The following JPH2 variants were observed in gnomAD, a reference collection of about 807,000 sequenced individuals.
The protein encoded by JPH2 is junctophilin 2, also known as junctophilin-2.
A neutral mutation model predicts 55.9 loss-of-function variants in JPH2; 38 were observed. That is an observed-to-expected ratio of 0.68 (90% CI 0.52 to 0.89). JPH2 has a LOEUF of 0.89. Ranked by LOEUF, JPH2 falls within the 40% of genes least tolerant of loss-of-function variation. The pLI is 0.00. For missense variants in JPH2, 964 were observed against 1,037.6 expected (o/e 0.93, Z 0.97); for synonymous variants, 480 against 472.4 (o/e 1.02, Z -0.21).
At chr20:44,149,005 T>C (rs1383641360) in intron 2 of JPH2, among the ~76,000 whole-genome samples, 1 of 151,024 alleles carries the variant, frequency 6.6e-6, no homozygotes, top group African/African-American at 2.4e-5. Context: ...AGGCGGAGCT[T>C]GCAGTGAGCT....
chr20:44,164,444 C>A (rs2072639455), intron 1 of JPH2, among the ~76,000 whole-genome samples: 1 of 151,870 alleles, frequency 6.6e-6, no homozygotes, highest in Non-Finnish European at 1.5e-5. Flanking sequence ...AAAAATAAGA[C>A]AACAAAAAAT....
chr20:44,135,262 G>A (rs2145858638), intron 2 of JPH2, among the ~76,000 whole-genome samples: 1 of 152,156 alleles, frequency 6.6e-6, no homozygotes, highest in East Asian at 1.9e-4. Context: ...CCTGAAGGAT[G>A]ACATGGAAAT....
At chr20:44,118,417 C>A in intron 3 of JPH2, 88 bp downstream of exon 3, 1 of 1,041,396 alleles carries the variant, frequency 9.6e-7, no homozygotes, top group Non-Finnish European at 1.5e-6. Context: ...CAGGAAACCA[C>A]TTGGGCATCT....
chr20:44,140,261 C>A (rs1156369096), intron 2 of JPH2, among the ~76,000 whole-genome samples: 1 of 152,188 alleles, frequency 6.6e-6, no homozygotes, highest in Non-Finnish European at 1.5e-5. Context: ...TATATCCATC[C>A]CAGCTGGGTG....
At chr20:44,153,005 C>T (rs1033114177) in intron 2 of JPH2, among the ~76,000 whole-genome samples, 2 of 152,110 alleles carry the variant, frequency 1.3e-5, no homozygotes, top group African/African-American at 2.4e-5. Context: ...AATGTACTTA[C>T]GTATTTTTAA....
chr20:44,136,893 G>C (rs894515043), intron 2 of JPH2, among the ~76,000 whole-genome samples: 2 of 152,128 alleles, frequency 1.3e-5, no homozygotes, highest in Non-Finnish European at 2.9e-5. Flanking sequence ...ATTCAGTTGT[G>C]ACAAGGATTT....
In JPH2 at chr20:44,125,122, A is replaced by C. The variant is rs866412828; in HGVS notation, c.1170-6499T>G. ...GAGTGAGACTCTGGCTCAAAAAAAA[A>C]AAAAAAAAAGTAACATTTTGTGACA... is the stretch of plus-strand genomic sequence containing the variant. On this transcript the variant is annotated intron_variant, in intron 2 of 5. Transcript: ENST00000372980. Among the ~76,000 whole-genome samples, 1,142 of 152,158 alleles carry C rather than the reference A, an allele frequency of 7.5e-3. 22 individuals are homozygous for C. The highest frequency in any genetic ancestry group is 0.026 in the African/African-American group (1,084 of 41,480).
intron 2 of JPH2, among the ~76,000 whole-genome samples, chr20:44,127,576 C>G (rs1198621761): frequency 6.6e-6 from 1 of 151,758 alleles, no homozygotes; most frequent in Non-Finnish European, 1.5e-5. Context: ...ACCTCTGCCT[C>G]CCGGGTACAA....
rs1293991017 is a variant in JPH2, at chr20:44,134,127, T to A, written c.1170-15504A>T. ...TATAAATATATAAATAAATATTTAT[T>A]ATAAATATATAAATAAATATTTATT... On this transcript the variant is annotated intron_variant, in intron 2 of 5. Transcript: ENST00000372980. 9.6e-4 allele frequency among the ~76,000 whole-genome samples: 32 copies of A among 33,182 alleles called. 11 individuals are homozygous for A. Among genetic ancestry groups the A allele is most frequent in the South Asian group, 5.3e-3 (4 of 750 alleles). 21.8% of individuals were successfully genotyped at this position (33,182 alleles called of 152,430 possible).
At position 44,116,211 on chromosome 20, in the gene JPH2, G is replaced by C. The variant is rs1060499997; in HGVS notation, c.1464C>G (p.Ala488=). The part of the protein sequence containing the change: ...PRPEGGSPSP[A]GTPPQPKRPR... Reference sequence around the variant, plus strand: ...GCCGCTTGGGCTGCGGGGGCGTCCCGGCCGGTGACGGGGAGCCACCCTCGG... The same window carrying C: ...GCCGCTTGGGCTGCGGGGGCGTCCCCGCCGGTGACGGGGAGCCACCCTCGG... The change falls in exon 4 of 6, where the codon GCC becomes GCG. Residue 488 remains alanine, a synonymous_variant. Transcript: ENST00000372980. 2.9e-6 allele frequency: 4 copies of C among 1,393,742 alleles called. No individual in the cohort carries two copies. The highest frequency in any genetic ancestry group is 1.5e-5 in the African/African-American group (1 of 65,552). 86.3% of individuals were successfully genotyped at this position (1,393,742 alleles called of 1,614,324 possible).
chr20:44,134,681 A>T (rs373365446), intron 2 of JPH2, among the ~76,000 whole-genome samples: 2 of 15,876 alleles, frequency 1.3e-4, no homozygotes, highest in Non-Finnish European at 2.0e-4. Context: ...TATATTTATA[A>T]ATATTATAAA....
At chr20:44,144,672 G>A (rs1480495843) in intron 2 of JPH2, among the ~76,000 whole-genome samples, 2 of 152,212 alleles carry the variant, frequency 1.3e-5, no homozygotes, top group Non-Finnish European at 2.9e-5. Context: ...TGAAGATGGT[G>A]GAGTCTGGCT....
At chr20:44,153,176 G>T (rs2072543253) in intron 2 of JPH2, among the ~76,000 whole-genome samples, 1 of 152,150 alleles carries the variant, frequency 6.6e-6, no homozygotes, top group Non-Finnish European at 1.5e-5. Context: ...TTTCATTCTT[G>T]GGTTAGTACA....
chr20:44,186,050 A>G (rs1398463273), intron 1 of JPH2, among the ~76,000 whole-genome samples: 1 of 152,182 alleles, frequency 6.6e-6, no homozygotes, highest in Non-Finnish European at 1.5e-5. Flanking sequence ...TAATGGTAGT[A>G]GTTATATTTT....
intron 2 of JPH2, among the ~76,000 whole-genome samples, chr20:44,124,911 C>T (rs1260492346): frequency 6.6e-6 from 1 of 151,956 alleles, no homozygotes; most frequent in Non-Finnish European, 1.5e-5. Context: ...AGATCAAGAC[C>T]AGCCTGGCCA....
chr20:44,152,474 G>A (rs571859647), intron 2 of JPH2, among the ~76,000 whole-genome samples: 1 of 152,112 alleles, frequency 6.6e-6, no homozygotes, highest in East Asian at 1.9e-4. Context: ...CAAGGAGTTC[G>A]AGACCTACCT....
rs375296307 is a variant in JPH2, at chr20:44,160,936, C to G, written c.380-529G>C. 6.6e-6 allele frequency among the ~76,000 whole-genome samples: 1 copy of G among 152,052 alleles called. No homozygotes were observed. The highest frequency in any genetic ancestry group is 1.5e-5 in the Non-Finnish European group (1 of 68,006). On this transcript the variant is annotated intron_variant, in intron 1 of 5. Coordinates refer to ENST00000372980, the MANE Select transcript of JPH2 (RefSeq NM_020433.5). This position sits in a 1 kb window ranked among gnomAD's most constrained non-coding sequence, Gnocchi z 4.9. ...TCTCTCTACAAAAAAATTAGTCAGG[C>G]GTGGTGGCATGCACCTGTGGTCCCA...
Position 44,109,379 on chromosome 20 carries a change from C to T in JPH2, c.*4139G>A, listed in dbSNP as rs1267017986. On this transcript the variant is annotated 3_prime_UTR_variant, in exon 6 of 6. Transcript: ENST00000372980. Reference sequence around the variant, plus strand: ...TGTTCATATTTTCTATCTGAAGAGGCAGGTAACATGGTATTCATCACCCCC... The same window carrying T: ...TGTTCATATTTTCTATCTGAAGAGGTAGGTAACATGGTATTCATCACCCCC... 6.6e-6 allele frequency among the ~76,000 whole-genome samples: 1 copy of T among 152,206 alleles called. No homozygotes were observed. The highest frequency in any genetic ancestry group is 2.4e-5 in the African/African-American group (1 of 41,450).
intron 3 of JPH2, 77 bp from the exon 4 acceptor site, chr20:44,116,463 C>T: frequency 6.6e-7 from 1 of 1,515,220 alleles, no homozygotes; most frequent in South Asian, 1.2e-5. Flanking sequence ...CACTTCACCT[C>T]TCGAGCCTCA....
Sources: gnomAD v4.1 joint callset for allele counts (sites outside exome capture counted in the v4.1 genomes callset) on GRCh38, gnomAD v4.1.1 for gene constraint, Gnocchi (gnomAD v3.1) non-coding constraint, MANE v1.5 for transcripts, NCBI Gene and HGNC (gene_info 2026-07-23, HGNC 2026-07-21) for gene names.